INPP5A: variants seen among roughly 807,000 people sequenced by gnomAD.
The protein encoded by INPP5A is 43 kDa inositol polyphosphate 5-phophatase.
In INPP5A, 14 loss-of-function variants were observed where a neutral mutation model predicts 65.2. That is an observed-to-expected ratio of 0.21 (90% CI 0.14 to 0.34). INPP5A has a LOEUF of 0.34. Ranked by LOEUF, INPP5A falls within the 10% of genes least tolerant of loss-of-function variation. INPP5A has a pLI of 1.00. For synonymous variants in INPP5A, 207 were observed against 208.3 expected (o/e 0.99, Z 0.05); for missense variants, 431 against 545.6 (o/e 0.79, Z 2.09).
At chr10:132,759,435 C>T (rs192721123) in intron 11 of INPP5A, among the ~76,000 whole-genome samples, 3 of 152,366 alleles carry the variant, frequency 2.0e-5, no homozygotes, top group Non-Finnish European at 4.4e-5. Context: ...GTGCACAGGC[C>T]TGGAATGGTT....
intron 1 of INPP5A, among the ~76,000 whole-genome samples, chr10:132,558,271 C>T (rs1290115791): frequency 6.6e-6 from 1 of 152,164 alleles, no homozygotes; most frequent in African/African-American, 2.4e-5. Context: ...TCCGGGTGTC[C>T]CCGGCCCACG....
intron 9 of INPP5A, among the ~76,000 whole-genome samples, chr10:132,732,534 C>G (rs914454881): frequency 2.6e-5 from 4 of 152,352 alleles, no homozygotes; most frequent in African/African-American, 9.6e-5. Flanking sequence ...TCAACACAGT[C>G]GTCAGCTGTG....
chr10:132,553,868 T>G (rs538292297), intron 1 of INPP5A, among the ~76,000 whole-genome samples: 108 of 146,474 alleles, frequency 7.4e-4, no homozygotes, highest in African/African-American at 2.6e-3. Flanking sequence ...AGAGCCTTGG[T>G]GGCATATTGG....
Position 132,570,984 on chromosome 10 carries a change from C to T in INPP5A, c.75+32813C>T, listed in dbSNP as rs553356785. 1.7e-3 allele frequency among the ~76,000 whole-genome samples: 264 copies of T among 152,344 alleles called. 3 individuals are homozygous for T. Among genetic ancestry groups the T allele is most frequent in the African/African-American group, 5.6e-3 (231 of 41,590 alleles). ...GTGGGTGGGGGCTGAGGGATGAAAA[C>T]GAGGCACTCCCTCCCCACCACAGCC... On this transcript the variant is annotated intron_variant, in intron 1 of 15. Coordinates refer to ENST00000368594, the MANE Select transcript of INPP5A (RefSeq NM_005539.5).
chr10:132,583,444 C>T (rs1044719227), intron 1 of INPP5A, among the ~76,000 whole-genome samples: 12 of 152,040 alleles, frequency 7.9e-5, no homozygotes, highest in African/African-American at 2.4e-4. Flanking sequence ...TCGGGTGAGT[C>T]GGCGTGGGGA....
intron 11 of INPP5A, among the ~76,000 whole-genome samples, chr10:132,759,550 G>A (rs534463551): frequency 6.6e-6 from 1 of 152,106 alleles, no homozygotes; most frequent in Non-Finnish European, 1.5e-5. Flanking sequence ...AGCCGGAGGG[G>A]CCCAGCATCG....
At chr10:132,568,385 A>G (rs1418051691) in intron 1 of INPP5A, among the ~76,000 whole-genome samples, 3 of 152,088 alleles carry the variant, frequency 2.0e-5, no homozygotes, top group African/African-American at 7.2e-5. Context: ...TAACAGAATT[A>G]TTAAGCTGCC....
chr10:132,586,882 C>T (rs559854873), intron 1 of INPP5A, among the ~76,000 whole-genome samples: 8 of 152,200 alleles, frequency 5.3e-5, no homozygotes, highest in African/African-American at 1.9e-4. Flanking sequence ...CGGCGCAGCG[C>T]GGCGAGGCTG....
rs969256386 is a variant in INPP5A, at chr10:132,688,796, G to A, written c.307-1596G>A. ...AATGAGTTCGTGTGTGAGCAAGTGCGTGTGTGCACCAGTGTGAGTGCATGA... is the reference window on the plus strand; with the variant it reads ...AATGAGTTCGTGTGTGAGCAAGTGCATGTGTGCACCAGTGTGAGTGCATGA... On this transcript the variant is annotated intron_variant, in intron 4 of 15. Transcript: ENST00000368594. Among the ~76,000 whole-genome samples the A allele has an allele frequency of 3.0e-4, 44 of 145,722 alleles. 1 individual carries two copies. The highest frequency in any genetic ancestry group is 1.1e-3 in the African/African-American group (40 of 37,814).
In INPP5A at chr10:132,706,157, A is replaced by G. The variant is rs1052903616; in HGVS notation, c.475-2156A>G. Reference sequence around the variant, plus strand: ...CAAAGAGAGAATCAGAGAATTAGACAATGTCATTAAGGAGTTCATCTAAAC... The same window carrying G: ...CAAAGAGAGAATCAGAGAATTAGACGATGTCATTAAGGAGTTCATCTAAAC... On this transcript the variant is annotated intron_variant, in intron 6 of 15. Transcript: ENST00000368594. The surrounding 1 kb of genome is among the most constrained non-coding windows in gnomAD (Gnocchi z 4.7). Among the ~76,000 whole-genome samples the G allele has an allele frequency of 8.5e-5, 13 of 152,246 alleles. No individual in the cohort carries two copies. Among genetic ancestry groups the G allele is most frequent in the Admixed American group, 7.8e-4 (12 of 15,290 alleles).
intron 9 of INPP5A, among the ~76,000 whole-genome samples, chr10:132,743,748 G>C (rs1016380925): frequency 6.6e-6 from 1 of 152,292 alleles, no homozygotes. Context: ...CTTGCTGACG[G>C]GCAGCCTCAC....
intron 2 of INPP5A, among the ~76,000 whole-genome samples, chr10:132,625,756 G>T (rs2072174031): frequency 6.6e-6 from 1 of 152,112 alleles, no homozygotes; most frequent in South Asian, 2.1e-4. Flanking sequence ...CGGAGCAGGG[G>T]GTTCTGGAGG....
chr10:132,688,054 A>T (rs1457789292), intron 4 of INPP5A, among the ~76,000 whole-genome samples: 1 of 152,156 alleles, frequency 6.6e-6, no homozygotes, highest in African/African-American at 2.4e-5. Flanking sequence ...CCCACCATGC[A>T]CTGCACACGC....
intron 8 of INPP5A, among the ~76,000 whole-genome samples, chr10:132,725,729 C>T (rs184065754): frequency 7.8e-4 from 119 of 152,358 alleles, no homozygotes; most frequent in Non-Finnish European, 1.4e-3. Flanking sequence ...ATTGGAAGCT[C>T]TCACTTTTGC....
At chr10:132,763,625 GCA>G (rs1309651520) in intron 11 of INPP5A, among the ~76,000 whole-genome samples, 1 of 138,918 alleles carries the variant, frequency 7.2e-6, no homozygotes, top group Admixed American at 7.2e-5. Context: ...ACATGCCTGT[GCA>G]CACATAAACA....
At chr10:132,645,565 T>A (rs2072482640) in intron 2 of INPP5A, among the ~76,000 whole-genome samples, 1 of 152,188 alleles carries the variant, frequency 6.6e-6, no homozygotes, top group Non-Finnish European at 1.5e-5. Flanking sequence ...TAAACACGCA[T>A]AACATTTTTT....
chr10:132,588,885 G>T (rs1280917544), intron 1 of INPP5A, among the ~76,000 whole-genome samples: 1 of 147,866 alleles, frequency 6.8e-6, no homozygotes, highest in Non-Finnish European at 1.5e-5. Flanking sequence ...TGTCATGGTG[G>T]TCACTGTTTC....
At chr10:132,568,020 GTC>G (rs959358650) in intron 1 of INPP5A, among the ~76,000 whole-genome samples, 1 of 151,820 alleles carries the variant, frequency 6.6e-6, no homozygotes, top group Non-Finnish European at 1.5e-5. Context: ...GTGAAACCCC[GTC>G]TCTACTGAAA....
At chr10:132,750,156 T>C (rs1846449140) in intron 11 of INPP5A, among the ~76,000 whole-genome samples, 1 of 152,224 alleles carries the variant, frequency 6.6e-6, no homozygotes, top group Non-Finnish European at 1.5e-5. Flanking sequence ...GGAAAGCCCC[T>C]TGTCTCAGAG....
Sources: allele counts gnomAD v4.1 joint callset (sites outside exome capture counted in the v4.1 genomes callset), GRCh38; gene constraint gnomAD v4.1.1; non-coding constraint Gnocchi (gnomAD v3.1); transcripts MANE v1.5; gene names NCBI Gene and HGNC (gene_info 2026-07-23, HGNC 2026-07-21).